AGRN: variants seen among roughly 807,000 people sequenced by gnomAD.
AGRN encodes the protein agrin.
In AGRN, 106 loss-of-function variants were observed where a neutral mutation model predicts 211.0. The ratio of observed to expected loss-of-function variants is 0.50; its 90% CI spans 0.43 to 0.59. The LOEUF (loss-of-function observed/expected upper bound fraction) is 0.59, where lower values mean the gene tolerates loss of function less well. Ranked by LOEUF, AGRN falls within the 20% of genes least tolerant of loss-of-function variation. The pLI, the probability that AGRN is intolerant of heterozygous loss-of-function variation, is 0.00. For missense variants in AGRN, 3,040 were observed against 2,982.6 expected, an observed-to-expected ratio of 1.02 and a Z score of -0.45; for synonymous variants, 1,525 against 1,332.5, an observed-to-expected ratio of 1.14 and a Z score of -3.15.
In AGRN at chr1:1,047,426, G is replaced by A; in HGVS notation, c.3488G>A (p.Gly1163Glu). ...EMADPKSELF[G>E]ETARSIESTL... ...GCTGACCCCAAGTCAGAACTGTTCG[G>A]GGAGACAGCCAGGAGCATTGAGAGC... Residue 1163 changes from glycine to glutamate, a missense_variant, in exon 20 of 36, where the codon GGG becomes GAG. Around this residue, in one of 3 missense-constraint regions of AGRN, gnomAD observed 1,537 missense variants for 1,505.0 expected, o/e 1.02. Transcript: ENST00000379370. The A allele has an allele frequency of 6.2e-7, 1 of 1,612,802 alleles. No homozygotes were observed. Among genetic ancestry groups the A allele is most frequent in the East Asian group, 2.2e-5 (1 of 44,874 alleles).
intron 2 of AGRN, among the ~76,000 whole-genome samples, chr1:1,033,661 C>T (rs2100602447): frequency 7.3e-6 from 1 of 136,602 alleles, no homozygotes; most frequent in Admixed American, 7.2e-5. Context: ...AGTCCCACCC[C>T]CGGCCCCAGC....
In AGRN at chr1:1,041,492, G is replaced by A. The variant is rs746773249; in HGVS notation, c.967G>A (p.Ala323Thr). ...TCGACCCCCAGACCCCTGTCAGGGC[G>A]CCCTCCCTGACCCGAGCCGCAGCTG... ...FDGPCDPCQGALPDPSRSCRV... is the reference protein window; with the variant it reads ...FDGPCDPCQGTLPDPSRSCRV... The change falls in exon 6 of 36, where the codon GCC (alanine) becomes ACC (threonine). Residue 323 changes from alanine (A) to threonine (T), a missense_variant. Physicochemically the swap from Ala to Thr is moderately conservative, Grantham distance 58 (BLOSUM62 0). Transcript: ENST00000379370. The A allele has an allele frequency of 3.1e-6, 5 of 1,595,100 alleles. No homozygotes were observed. Among genetic ancestry groups the A allele is most frequent in the East Asian group, 2.2e-5 (1 of 44,560 alleles).
rs1645227480 is a variant in AGRN at position 1,049,915 on chromosome 1, C to T, written c.4757C>T (p.Ala1586Val). The T allele has an allele frequency of 6.2e-7, 1 of 1,610,734 alleles. No homozygotes were observed. The highest frequency in any genetic ancestry group is 1.1e-5 in the South Asian group (1 of 91,016). ...TTCCTCCATCCAGGACCAACCTGTG[C>T]CGATGAGAAGAGCCCCTGCCAGCCC... The part of the protein sequence containing the change: ...CPPGRVGPTC[A>V]DEKSPCQPNP... The change falls in exon 27 of 36, where the codon GCC (alanine) becomes GTC (valine). Residue 1586 changes from alanine to valine, a missense_variant. By Grantham distance (64) the Ala-to-Val change is moderately conservative. Coordinates refer to ENST00000379370, the MANE Select transcript of AGRN (RefSeq NM_198576.4).
In AGRN at chr1:1,020,660, G is replaced by A. The variant is rs568917156; in HGVS notation, c.201+287G>A. Among the ~76,000 whole-genome samples, 55 of 151,448 alleles carry A rather than the reference G, an allele frequency of 3.6e-4. No homozygotes were observed. The South Asian group carries it at 8.6e-3, about 24-fold the overall frequency. ...CTGCCGCGCGCCCTCCCTACCGGCC[G>A]AGAAGGAGAGGGGCCTGGGGAGGGG... On this transcript the variant is annotated intron_variant, in intron 1 of 35. Coordinates refer to ENST00000379370, the MANE Select transcript of AGRN (RefSeq NM_198576.4).
chr1:1,042,004 G>A lies in AGRN; in HGVS notation c.1226G>A (p.Arg409His), dbSNP rs143161987. 1.1e-5 allele frequency: 18 copies of A among 1,611,528 alleles called. No homozygotes were observed. In the African/African-American group the frequency reaches 2.0e-4, roughly 18 times the overall value. ...CRFNAVCLSR[R>H]GRPRCSCDRV... is the part of the protein sequence containing the mutation. ...TTCAATGCCGTGTGCCTGTCCCGCC[G>A]TGGCCGTCCCCGCTGCTCCTGCGAC... Residue 409 changes from arginine to histidine, a missense_variant, in exon 7 of 36, where the codon CGT (arginine) becomes CAT (histidine). By Grantham distance (29) the Arg-to-His change is conservative (BLOSUM62 0). This residue lies in a region of AGRN where 1,498 missense variants were observed against 1,457.8 expected (regional missense o/e 1.03). Coordinates refer to ENST00000379370, the MANE Select transcript of AGRN (RefSeq NM_198576.4).
intron 2 of AGRN, among the ~76,000 whole-genome samples, chr1:1,026,447 G>A (rs3121556): frequency 0.83 from 126,457 of 152,128 alleles, 54,344 homozygotes; most frequent in East Asian, 0.97. Flanking sequence ...CCACAGGTCC[G>A]GCCAGAGGTC....
At chr1:1,034,378 G>A (rs1021615115) in intron 2 of AGRN, 9 of 985,430 alleles carry the variant, frequency 9.1e-6, no homozygotes, top group East Asian at 1.1e-4. Context: ...GAGCCTGGAG[G>A]ACTGGAGCCG....
chr1:1,055,029 A>G lies in AGRN; in HGVS notation c.*48A>G. 1.9e-6 allele frequency: 3 copies of G among 1,542,346 alleles called. No homozygotes were observed. Among genetic ancestry groups the G allele is most frequent in the Non-Finnish European group, 2.6e-6 (3 of 1,146,374 alleles). On this transcript the variant is annotated 3_prime_UTR_variant, in exon 36 of 36. Transcript: ENST00000379370. ...CGCTGTAATTATTTTCTATTTTTGT[A>G]AACTTGTTGCTTTTTGATATGATTT...
chr1:1,029,685 GTGCAGTGCATGGTGCTGTGAGATCA>G (rs1157398636), intron 2 of AGRN, among the ~76,000 whole-genome samples: 1 of 62,694 alleles, frequency 1.6e-5, no homozygotes. Context: ...GTGTGTGTGT[GTGCAGTGCATGGTGCTGTGAGATCA>G]TGTGTGTGTG....
rs1256591993 is a variant in AGRN, at chr1:1,046,821, G to T, written c.3252G>T (p.Gly1084=). The change falls in exon 19 of 36, where the codon GGG becomes GGT. Residue 1084 remains glycine (G), a splice_region_variant and synonymous_variant. Transcript: ENST00000379370. The stretch of plus-strand genomic sequence containing the variant: ...TGGGCTCAGAGCGCGTCTCCCCAGG[G>T]CTCGAGCCCTTGGAGGGCAGCAGCG... ...DQEASGGGSG[G]LEPLEGSSVA... 1.3e-6 allele frequency: 2 copies of T among 1,581,300 alleles called. No homozygotes were observed. Among genetic ancestry groups the T allele is most frequent in the Admixed American group, 3.7e-5 (2 of 54,440 alleles).
chr1:1,049,244 C>T lies in AGRN; in HGVS notation c.4307C>T (p.Thr1436Ile). ...LDGRVQLRFD[T>I]GSGPAVLTSA... ...CCTGCTCCTGCCCTCAGGTTTGACACAGGTTCGGGGCCGGCGGTGCTGACC... is the reference window on the plus strand; with the variant it reads ...CCTGCTCCTGCCCTCAGGTTTGACATAGGTTCGGGGCCGGCGGTGCTGACC... The change falls in exon 25 of 36, where the codon ACA (threonine) becomes ATA (isoleucine). Residue 1436 changes from threonine to isoleucine, a missense_variant. By Grantham distance (89) the Thr-to-Ile change is moderately conservative. This residue lies in a region of AGRN where 1,537 missense variants were observed against 1,505.0 expected (regional missense o/e 1.02). Coordinates refer to ENST00000379370, the MANE Select transcript of AGRN (RefSeq NM_198576.4). The T allele has an allele frequency of 6.3e-7, 1 of 1,583,266 alleles. No individual in the cohort carries two copies.
chr1:1,037,410 A>C (rs1315512216), intron 3 of AGRN, among the ~76,000 whole-genome samples: 1 of 152,008 alleles, frequency 6.6e-6, no homozygotes, highest in Admixed American at 6.5e-5. Context: ...CCCACATGCC[A>C]CCTAACTGTG....
rs189053615 is a variant in AGRN at position 1,051,079 on chromosome 1, C to T, written c.5254-174C>T. ...CCTCTCATCCGCTCACCGTCTCTGGCGCCTCAACCCCTAGGGTAGCTCCTC... is the reference window on the plus strand; with the variant it reads ...CCTCTCATCCGCTCACCGTCTCTGGTGCCTCAACCCCTAGGGTAGCTCCTC... On this transcript the variant is annotated intron_variant, in intron 30 of 35. Transcript: ENST00000379370. 2.3e-3 allele frequency: 3,621 copies of T among 1,548,308 alleles called. 14 individuals are homozygous for T. The highest frequency in any genetic ancestry group is 2.2e-3 in the Non-Finnish European group (2,578 of 1,146,266).
At chr1:1,043,093 G>T in intron 7 of AGRN, 146 bp from the exon 8 acceptor site, 1 of 891,016 alleles carries the variant, frequency 1.1e-6, no homozygotes, top group Middle Eastern at 3.2e-4. Context: ...TCTCTGCCGT[G>T]TCTGCTGTGC....
At chr1:1,039,030 G>C (rs1023652564) in intron 3 of AGRN, among the ~76,000 whole-genome samples, 2 of 152,248 alleles carry the variant, frequency 1.3e-5, no homozygotes, top group African/African-American at 4.8e-5. Context: ...AAGCTTTGCA[G>C]ATACTGGCCC....
Position 1,047,999 on chromosome 1 carries a change from C to T in AGRN, c.3752-13C>T. 6.4e-7 allele frequency: 1 copy of T among 1,574,034 alleles called. No homozygotes were observed. Among genetic ancestry groups the T allele is most frequent in the Non-Finnish European group, 8.6e-7 (1 of 1,161,560 alleles). The stretch of plus-strand genomic sequence containing the variant: ...TGCTCCCAGGAAACCCTAACAGCTC[C>T]CTGTGCCGGCAGACTGGTTTCCTGC... On this transcript the variant is annotated splice_polypyrimidine_tract_variant and intron_variant, in intron 22 of 35. Coordinates refer to ENST00000379370, the MANE Select transcript of AGRN (RefSeq NM_198576.4).
In AGRN at chr1:1,048,838, C is replaced by A; in HGVS notation, c.4106-29C>A. On this transcript the variant is annotated intron_variant, in intron 23 of 35. Transcript: ENST00000379370. This position sits in a 1 kb window ranked among gnomAD's most constrained non-coding sequence, Gnocchi z 5.9. The stretch of plus-strand genomic sequence containing the variant: ...AAGTGGGGAATCCTCGGAGCTTTTC[C>A]AGCCGGCCCTCCCGGTCGCCCTTTG... 1 of 1,520,026 alleles carries A rather than the reference C, an allele frequency of 6.6e-7. No individual in the cohort carries two copies. Among genetic ancestry groups the A allele is most frequent in the Non-Finnish European group, 8.8e-7 (1 of 1,134,982 alleles). 94.2% of individuals were successfully genotyped at this position (1,520,026 alleles called of 1,614,324 possible).
Position 1,049,798 on chromosome 1 carries a change from GA to G in AGRN, c.4744+4del. Reference sequence around the variant, plus strand: ...CCAGTGCCCGCCCGGCCGCGTCGGTGAGGGTGGGGCCGGGGCGGGTGGGAGT... The same window carrying G: ...CCAGTGCCCGCCCGGCCGCGTCGGTGGGGTGGGGCCGGGGCGGGTGGGAGT... On this transcript the variant is annotated splice_donor_region_variant and intron_variant, in intron 26 of 35. Transcript: ENST00000379370. The G allele has an allele frequency of 6.2e-7, 1 of 1,601,068 alleles. No homozygotes were observed. The highest frequency in any genetic ancestry group is 8.5e-7 in the Non-Finnish European group (1 of 1,174,084).
chr1:1,034,967 G>A, intron 2 of AGRN: 1 of 505,962 alleles, frequency 2.0e-6, no homozygotes, highest in Non-Finnish European at 3.6e-6. Flanking sequence ...GCAGTTGGGG[G>A]TAGGGCAGGA....
Sources: gnomAD v4.1 joint callset for allele counts (sites outside exome capture counted in the v4.1 genomes callset) on GRCh38, gnomAD v4.1.1 for gene constraint, gnomAD v4.1.1 regional missense constraint, Gnocchi (gnomAD v3.1) non-coding constraint, MANE v1.5 for transcripts, NCBI Gene and HGNC (gene_info 2026-07-23, HGNC 2026-07-21) for gene names.